NIBAN3: variants seen among roughly 807,000 people sequenced by gnomAD.
NIBAN3 encodes the protein protein Niban 3.
A neutral mutation model predicts 76.4 loss-of-function variants in NIBAN3; 66 were observed. That is an observed-to-expected ratio of 0.86 (90% CI 0.71 to 1.06). The LOEUF is 1.06. Ranked by LOEUF, NIBAN3 falls within the 50% of genes least tolerant of loss-of-function variation. The pLI, the probability that NIBAN3 is intolerant of heterozygous loss-of-function variation, is 0.00. For synonymous variants in NIBAN3, 360 were observed against 355.2 expected, an observed-to-expected ratio of 1.01 and a Z score of -0.15; for missense variants, 808 against 810.7, an observed-to-expected ratio of 1.00 and a Z score of 0.04.
intron 7 of NIBAN3, 38 bp from the exon 8 acceptor site, chr19:17,539,565 G>A: frequency 1.3e-6 from 2 of 1,487,904 alleles, no homozygotes; most frequent in Middle Eastern, 1.8e-4. Flanking sequence ...TCCCCGCCCC[G>A]TGTCTCGGCT....
intron 14 of NIBAN3, among the ~76,000 whole-genome samples, chr19:17,550,559 C>T (rs935345319): frequency 1.3e-4 from 19 of 151,922 alleles, no homozygotes; most frequent in South Asian, 2.1e-4. Flanking sequence ...CCCAGCTACC[C>T]GGGAGGCCCA....
intron 1 of NIBAN3, among the ~76,000 whole-genome samples, chr19:17,529,411 A>G (rs537572396): frequency 1.6e-4 from 25 of 151,954 alleles, no homozygotes; most frequent in African/African-American, 6.0e-4. Flanking sequence ...TGCCCAAGGT[A>G]GCCTCATGGC....
intron 5 of NIBAN3, 60 bp downstream of exon 5, chr19:17,537,603 G>T: frequency 6.8e-7 from 1 of 1,471,944 alleles, no homozygotes. Context: ...AGATGGCTCA[G>T]CCTCTGTTGG....
At chr19:17,543,058 C>A (rs192537031) in intron 10 of NIBAN3, among the ~76,000 whole-genome samples, 27 of 152,316 alleles carry the variant, frequency 1.8e-4, no homozygotes, top group Non-Finnish European at 1.5e-5. Context: ...TGGCTCCCTA[C>A]TCCCCATTCT....
chr19:17,524,908 G>A (rs181274478), upstream of NIBAN3, among the ~76,000 whole-genome samples: 294 of 152,288 alleles, frequency 1.9e-3, no homozygotes, highest in African/African-American at 6.4e-3. Context: ...CTCCTTTATG[G>A]CCAGCCTGGG....
rs116564018 is a variant in NIBAN3, at chr19:17,546,231, A to G, written c.1555-455A>G. The G allele has an allele frequency of 6.7e-3, 1,078 of 160,352 alleles. 15 individuals are homozygous for G. The highest frequency in any genetic ancestry group is 0.024 in the African/African-American group (1,026 of 41,912). 9.9% of individuals were successfully genotyped at this position (160,352 alleles called of 1,614,324 possible). The stretch of plus-strand genomic sequence containing the variant: ...AGTAACTGCTACCAACTAATCATTA[A>G]TGATATTCATATATAATCATATCTA... On this transcript the variant is annotated intron_variant, in intron 12 of 14. Coordinates refer to ENST00000599164, the MANE Select transcript of NIBAN3 (RefSeq NM_001321827.2).
chr19:17,546,900 G>A (rs2076065921), intron 13 of NIBAN3, 103 bp downstream of exon 13: 2 of 1,426,928 alleles, frequency 1.4e-6, no homozygotes, highest in East Asian at 5.2e-5. Context: ...GTGAATACTT[G>A]CCATTTGACC....
chr19:17,532,246 G>T lies in NIBAN3; in HGVS notation c.187-17G>T. ...AGCCCACAGCCCCCTGACACCCACT[G>T]CTCCCTCTTTCTGCAGAAGCTGCCC... On this transcript the variant is annotated splice_polypyrimidine_tract_variant and intron_variant, in intron 2 of 14. Coordinates refer to ENST00000599164, the MANE Select transcript of NIBAN3 (RefSeq NM_001321827.2). 6.3e-7 allele frequency: 1 copy of T among 1,598,036 alleles called. No individual in the cohort carries two copies. Among genetic ancestry groups the T allele is most frequent in the Non-Finnish European group, 8.5e-7 (1 of 1,171,236 alleles).
At chr19:17,553,797 G>C (rs910973707), downstream of NIBAN3, 26 of 433,382 alleles carry the variant, frequency 6.0e-5, no homozygotes, top group African/African-American at 5.2e-4. Context: ...GATGTATCTT[G>C]TCACCTCCTT....
At chr19:17,545,463 G>A (rs923850648) in intron 12 of NIBAN3, 4 of 181,682 alleles carry the variant, frequency 2.2e-5, no homozygotes, top group African/African-American at 4.8e-5. Flanking sequence ...AGCTGGGCCC[G>A]GGGGACCACT....
In NIBAN3 at chr19:17,553,149, T is replaced by G. The variant is rs2076181730; in HGVS notation, c.*1251T>G. 9.9e-7 allele frequency: 1 copy of G among 1,009,984 alleles called. No individual in the cohort carries two copies. Among genetic ancestry groups the G allele is most frequent in the African/African-American group, 1.6e-5 (1 of 61,714 alleles). 62.6% of individuals were successfully genotyped at this position (1,009,984 alleles called of 1,614,324 possible). ...TTTTTTTTTTTTAATTTCAGTGAAT[T>G]GCCTGTTCATAGCTTTTTTCTACTT... On this transcript the variant is annotated 3_prime_UTR_variant, in exon 15 of 15. Transcript: ENST00000599164.
chr19:17,543,539 A>G lies in NIBAN3; in HGVS notation c.1462A>G (p.Ser488Gly), dbSNP rs2075994912. The change falls in exon 12 of 15, where the codon AGC becomes GGC. Residue 488 changes from serine to glycine, a missense_variant. By Grantham distance (56) the Ser-to-Gly change is moderately conservative (BLOSUM62 0). Transcript: ENST00000599164. ...TGTTGTGCAGAAATTCAAATCGGAC[A>G]GCGGGTTGGCGCAGAGGAGGTTCAT... ...GRVLKKFKSD[S>G]GLAQRRFIRG... 2 of 1,614,182 alleles carry G rather than the reference A, an allele frequency of 1.2e-6. No homozygotes were observed. Among genetic ancestry groups the G allele is most frequent in the South Asian group, 1.1e-5 (1 of 91,092 alleles).
At chr19:17,550,180 G>A (rs945535144) in intron 14 of NIBAN3, among the ~76,000 whole-genome samples, 10 of 152,024 alleles carry the variant, frequency 6.6e-5, no homozygotes, top group Non-Finnish European at 1.5e-4. Context: ...ACTTCCTGTC[G>A]CCAACTTGGA....
intron 8 of NIBAN3, 46 bp from the exon 9 acceptor site, chr19:17,540,346 A>G: frequency 7.3e-7 from 1 of 1,366,212 alleles, no homozygotes. Context: ...CCCATCTGTG[A>G]GGCACCTTGC....
intron 8 of NIBAN3, 116 bp downstream of exon 8, chr19:17,539,881 GA>G: frequency 2.6e-6 from 2 of 767,468 alleles, no homozygotes; most frequent in Admixed American, 2.9e-5. Context: ...CGTGGTCAGA[GA>G]GGGGCGGGGC....
At chr19:17,523,577 G>A (rs1238178684), upstream of NIBAN3, 22 of 775,034 alleles carry the variant, frequency 2.8e-5, no homozygotes, top group South Asian at 3.6e-4. Flanking sequence ...AAATTGAGCT[G>A]CCAGCACAGG....
chr19:17,548,918 T>A (rs971152195), intron 13 of NIBAN3, among the ~76,000 whole-genome samples: 1 of 149,664 alleles, frequency 6.7e-6, no homozygotes, highest in Admixed American at 6.7e-5. Context: ...AGAGCGAGAC[T>A]CCATCTCAAA....
At chr19:17,533,780 G>A in intron 4 of NIBAN3, 79 bp downstream of exon 4, 1 of 1,091,518 alleles carries the variant, frequency 9.2e-7, no homozygotes, top group Non-Finnish European at 1.4e-6. Flanking sequence ...ATTCTCTGCG[G>A]TGGGGGCGTC....
intron 4 of NIBAN3, among the ~76,000 whole-genome samples, chr19:17,535,725 G>A (rs2075813811): frequency 6.8e-6 from 1 of 147,622 alleles, no homozygotes; most frequent in Non-Finnish European, 1.5e-5. Flanking sequence ...TCCAGCATGG[G>A]AGACAGAGCA....
Sources: gnomAD v4.1 joint callset for allele counts (sites outside exome capture counted in the v4.1 genomes callset) on GRCh38, gnomAD v4.1.1 for gene constraint, MANE v1.5 for transcripts, NCBI Gene and HGNC (gene_info 2026-07-23, HGNC 2026-07-21) for gene names.